SLMAP: variants seen among roughly 807,000 people sequenced by gnomAD.
SLMAP encodes the protein sarcolemmal membrane-associated protein.
A neutral mutation model predicts 128.8 loss-of-function variants in SLMAP; 44 were observed. The ratio of observed to expected loss-of-function variants is 0.34; its 90% CI spans 0.27 to 0.44. The LOEUF (loss-of-function observed/expected upper bound fraction) is 0.44. SLMAP is among the 20% of genes least tolerant of loss of function. The pLI, the probability that SLMAP is intolerant of heterozygous loss-of-function variation, is 1.00. For synonymous variants in SLMAP, 327 were observed against 348.8 expected, an observed-to-expected ratio of 0.94 and a Z score of 0.70; for missense variants, 787 against 985.3, an observed-to-expected ratio of 0.80 and a Z score of 2.69.
At chr3:57,860,602 T>TATC in intron 8 of SLMAP, 97 bp from the exon 9 acceptor site, 1 of 900,126 alleles carries the variant, frequency 1.1e-6, no homozygotes, top group Non-Finnish European at 1.6e-6. Context: ...TACCTTAATA[T>TATC]ATAATTTAAA....
At chr3:57,876,150 TA>T (rs2095598664) in intron 14 of SLMAP, among the ~76,000 whole-genome samples, 2 of 152,354 alleles carry the variant, frequency 1.3e-5, no homozygotes, top group African/African-American at 4.8e-5. Flanking sequence ...CCTTGTGTTT[TA>T]AAAATTAGAA....
At chr3:57,866,966 A>G (rs1466750288) in intron 13 of SLMAP, among the ~76,000 whole-genome samples, 1 of 152,122 alleles carries the variant, frequency 6.6e-6, no homozygotes, top group Non-Finnish European at 1.5e-5. Flanking sequence ...TGAGGTCAGT[A>G]GTTGAAGACC....
chr3:57,786,446 A>G (rs990642073), intron 2 of SLMAP, among the ~76,000 whole-genome samples: 11 of 152,340 alleles, frequency 7.2e-5, no homozygotes, highest in Admixed American at 4.6e-4. Flanking sequence ...TGGTTAGGGA[A>G]GTATAATTAA....
chr3:57,844,913 C>T (rs575188532), intron 4 of SLMAP, among the ~76,000 whole-genome samples: 5 of 152,022 alleles, frequency 3.3e-5, no homozygotes, highest in Non-Finnish European at 5.9e-5. Context: ...CAGGTTTCAC[C>T]ATGTTGGCCA....
At chr3:57,887,365 G>A (rs988411357) in intron 14 of SLMAP, among the ~76,000 whole-genome samples, 1 of 151,928 alleles carries the variant, frequency 6.6e-6, no homozygotes, top group Non-Finnish European at 1.5e-5. Flanking sequence ...GAGTAGCTGG[G>A]ATTACAGACA....
chr3:57,814,716 G>A lies in SLMAP; in HGVS notation c.199-16667G>A, dbSNP rs1019321410. ...GGGCTGGGTGCAGTGGCTCATGGGT[G>A]TATTCCCAGGACTTTGGGAGGCTGA... On this transcript the variant is annotated intron_variant, in intron 2 of 24. Coordinates refer to ENST00000671191, the MANE Select transcript of SLMAP (RefSeq NM_001377540.1). 2.6e-5 allele frequency among the ~76,000 whole-genome samples: 4 copies of A among 152,180 alleles called. No homozygotes were observed. In the South Asian group the frequency reaches 8.3e-4, roughly 32 times the overall value.
intron 22 of SLMAP, among the ~76,000 whole-genome samples, chr3:57,919,289 G>A (rs2096870460): frequency 6.6e-6 from 1 of 152,024 alleles, no homozygotes; most frequent in Non-Finnish European, 1.5e-5. Flanking sequence ...GCTGAGACAG[G>A]AGAATCGCTT....
At chr3:57,818,668 CTGTATATAAGTGA>C (rs1461443431) in intron 2 of SLMAP, among the ~76,000 whole-genome samples, 6 of 152,250 alleles carry the variant, frequency 3.9e-5, no homozygotes, top group South Asian at 4.1e-4. Flanking sequence ...GTTAAAACTT[CTGTATATAAGTGA>C]TGTATATAAG....
chr3:57,888,727 AAAAAT>A (rs1451776378), intron 14 of SLMAP, among the ~76,000 whole-genome samples: 17 of 152,164 alleles, frequency 1.1e-4, no homozygotes, highest in Non-Finnish European at 1.5e-5. Flanking sequence ...TCTAAAATGG[AAAAAT>A]AAAATCAATG....
In SLMAP at chr3:57,829,205, T is replaced by C. The variant is rs115288704; in HGVS notation, c.199-2178T>C. Among the ~76,000 whole-genome samples, 346 of 152,328 alleles carry C rather than the reference T, an allele frequency of 2.3e-3. 1 individual carries two copies. Among genetic ancestry groups the C allele is most frequent in the African/African-American group, 7.6e-3 (316 of 41,554 alleles). ...TGTATATATATGTACATATATTTCT[T>C]TTTGTTTTTCAACAGTGTTGTTAAA... On this transcript the variant is annotated intron_variant, in intron 2 of 24. Transcript: ENST00000671191.
At chr3:57,823,600 T>G (rs1465721532) in intron 2 of SLMAP, among the ~76,000 whole-genome samples, 1 of 152,248 alleles carries the variant, frequency 6.6e-6, no homozygotes, top group Non-Finnish European at 1.5e-5. Context: ...GTGCCACATT[T>G]TCTTAATCCA....
At chr3:57,769,694 A>C (rs1028914239) in intron 2 of SLMAP, among the ~76,000 whole-genome samples, 4 of 152,202 alleles carry the variant, frequency 2.6e-5, no homozygotes, top group Non-Finnish European at 5.9e-5. Context: ...GAAGACAGTG[A>C]GTGAGTATTC....
chr3:57,871,619 GTTTC>G lies in SLMAP; in HGVS notation c.1238-9_1238-6del, dbSNP rs774622494. On this transcript the variant is annotated splice_polypyrimidine_tract_variant and intron_variant, in intron 13 of 24. Transcript: ENST00000671191. ...AGCAACAAACTATATCCTTAAAGGTGTTTCTTTCTTTATTAGAGCACTTGCTTTC... is the reference window on the plus strand; with the variant it reads ...AGCAACAAACTATATCCTTAAAGGTGTTTCTTTATTAGAGCACTTGCTTTC... 5.6e-6 allele frequency: 9 copies of G among 1,605,576 alleles called. No individual in the cohort carries two copies. Among genetic ancestry groups the G allele is most frequent in the Non-Finnish European group, 7.7e-6 (9 of 1,173,098 alleles).
intron 6 of SLMAP, among the ~76,000 whole-genome samples, chr3:57,856,024 CAG>C (rs893806751): frequency 3.0e-4 from 45 of 150,942 alleles, no homozygotes; most frequent in African/African-American, 1.0e-3. Context: ...GCCTGGGCAA[CAG>C]AGAGAGACTT....
chr3:57,892,809 C>G (rs112569339), intron 15 of SLMAP, among the ~76,000 whole-genome samples: 1 of 148,210 alleles, frequency 6.7e-6, no homozygotes, highest in South Asian at 2.1e-4. Flanking sequence ...CACACACACA[C>G]ATACACACAC....
At chr3:57,819,615 A>G (rs142716221) in intron 2 of SLMAP, among the ~76,000 whole-genome samples, 133 of 152,256 alleles carry the variant, frequency 8.7e-4, no homozygotes, top group African/African-American at 3.0e-3. Flanking sequence ...CTATCCTTAG[A>G]TGGAGCCCAT....
chr3:57,779,791 A>C (rs1559956644), intron 2 of SLMAP, among the ~76,000 whole-genome samples: 1 of 152,026 alleles, frequency 6.6e-6, no homozygotes. Context: ...TTAACTTCCT[A>C]AAGTTATACC....
intron 2 of SLMAP, 27 bp from the exon 3 acceptor site, chr3:57,831,356 C>T: frequency 1.4e-6 from 2 of 1,426,456 alleles, no homozygotes; most frequent in Non-Finnish European, 1.9e-6. Context: ...ATATTTGGCC[C>T]TTTTTTGTTT....
At chr3:57,763,708 A>ACTTTTACATT (rs2079122371) in intron 2 of SLMAP, among the ~76,000 whole-genome samples, 2 of 152,212 alleles carry the variant, frequency 1.3e-5, no homozygotes, top group Non-Finnish European at 2.9e-5. Flanking sequence ...TTGGATAGAG[A>ACTTTTACATT]GGGTGACAGT....
Sources: allele counts gnomAD v4.1 joint callset (sites outside exome capture counted in the v4.1 genomes callset), GRCh38; gene constraint gnomAD v4.1.1; transcripts MANE v1.5; gene names NCBI Gene and HGNC (gene_info 2026-07-23, HGNC 2026-07-21).